The following PXT1 variants were observed in gnomAD, a reference collection of about 807,000 sequenced individuals.
The protein encoded by PXT1 is peroxisomal testis enriched protein 1.
PXT1 carries 11 observed loss-of-function variants against 11.0 expected under a neutral mutation model. The ratio of observed to expected loss-of-function variants is 1.00; its 90% CI spans 0.63 to 1.66. PXT1 has a LOEUF of 1.66. Among genes scored for constraint, PXT1 ranks in the 40% most tolerant of loss-of-function variants. The pLI is 0.00. For missense variants in PXT1, 141 were observed against 155.5 expected, an observed-to-expected ratio of 0.91 and a Z score of 0.49; for synonymous variants, 43 against 51.4, an observed-to-expected ratio of 0.84 and a Z score of 0.70.
chr6:36,392,954 C>T (rs1582242580), intron 4 of PXT1: 2 of 152,148 alleles, frequency 1.3e-5, no homozygotes, highest in East Asian at 1.9e-4. Context: ...AATCTGCCCA[C>T]CACCCACCCT....
intron 3 of PXT1, among the ~76,000 whole-genome samples, chr6:36,423,891 C>G (rs1020126496): frequency 6.6e-6 from 1 of 152,132 alleles, no homozygotes; most frequent in Non-Finnish European, 1.5e-5. Context: ...ATATAACTCG[C>G]GTATGGTAAA....
intron 3 of PXT1, among the ~76,000 whole-genome samples, chr6:36,423,020 C>G (rs1431959192): frequency 6.9e-6 from 1 of 144,082 alleles, no homozygotes; most frequent in Non-Finnish European, 1.5e-5. Flanking sequence ...TCCCACGACC[C>G]TCAACTCTTC....
chr6:36,425,093 C>T (rs1774583800), intron 3 of PXT1, among the ~76,000 whole-genome samples: 1 of 152,134 alleles, frequency 6.6e-6, no homozygotes, highest in African/African-American at 2.4e-5. Flanking sequence ...ATAAATTTAC[C>T]TAACACTGTC....
chr6:36,415,170 C>T (rs563342723), intron 3 of PXT1, among the ~76,000 whole-genome samples: 2 of 152,224 alleles, frequency 1.3e-5, no homozygotes, highest in South Asian at 2.1e-4. Flanking sequence ...CGGCCAGGCG[C>T]GGGGGCTCAT....
Position 36,415,172 on chromosome 6 carries a change from G to A in PXT1, c.169+10742C>T, listed in dbSNP as rs181392481. ...TAAAAAGAATTGCCGGCCAGGCGCG[G>A]GGGCTCATGCTTGTAATCCCAGCAC... On this transcript the variant is annotated intron_variant, in intron 3 of 4. Coordinates refer to ENST00000454782, the MANE Select transcript of PXT1 (RefSeq NM_152990.4). Among the ~76,000 whole-genome samples, 1,045 of 152,260 alleles carry A rather than the reference G, an allele frequency of 6.9e-3. 5 individuals are homozygous for A. Among genetic ancestry groups the A allele is most frequent in the African/African-American group, 0.019 (801 of 41,524 alleles).
intron 3 of PXT1, among the ~76,000 whole-genome samples, chr6:36,419,659 A>C (rs1317068622): frequency 6.6e-6 from 1 of 152,212 alleles, no homozygotes; most frequent in Non-Finnish European, 1.5e-5. Flanking sequence ...GAAGTACTCA[A>C]TAGATATTTG....
At chr6:36,428,741 TA>T (rs1433410951) in intron 2 of PXT1, among the ~76,000 whole-genome samples, 2 of 135,638 alleles carry the variant, frequency 1.5e-5, no homozygotes, top group African/African-American at 6.3e-5. Flanking sequence ...ATTTTTCATC[TA>T]AAACTTTTTT....
chr6:36,420,771 G>A (rs1285207239), intron 3 of PXT1, among the ~76,000 whole-genome samples: 1 of 151,922 alleles, frequency 6.6e-6, no homozygotes, highest in Non-Finnish European at 1.5e-5. Context: ...AGTATCTCAG[G>A]GCCAGGCGTG....
At position 36,402,807 on chromosome 6, in the gene PXT1, G is replaced by A. The variant is rs114699865; in HGVS notation, c.170-2223C>T. 3.6e-3 allele frequency among the ~76,000 whole-genome samples: 542 copies of A among 152,320 alleles called. 1 individual carries two copies. Among genetic ancestry groups the A allele is most frequent in the African/African-American group, 0.012 (508 of 41,576 alleles). The stretch of plus-strand genomic sequence containing the variant: ...CAAGAAGAGGCTTGAACTTTATCCA[G>A]TAGAGATAAAGGAGAGCTCCCGGAG... On this transcript the variant is annotated intron_variant, in intron 3 of 4. Transcript: ENST00000454782.
At chr6:36,428,166 G>T in intron 2 of PXT1, among the ~76,000 whole-genome samples, 1 of 152,160 alleles carries the variant, frequency 6.6e-6, no homozygotes, top group Non-Finnish European at 1.5e-5. Flanking sequence ...AAAATTCCTG[G>T]CCGGGCGCGG....
intron 3 of PXT1, among the ~76,000 whole-genome samples, chr6:36,423,650 C>T (rs1311176213): frequency 3.9e-5 from 6 of 152,174 alleles, no homozygotes; most frequent in Non-Finnish European, 8.8e-5. Context: ...CGTGCCCCCT[C>T]ACACCGCCCC....
At chr6:36,413,797 G>C (rs1281529787) in intron 3 of PXT1, among the ~76,000 whole-genome samples, 2 of 152,168 alleles carry the variant, frequency 1.3e-5, no homozygotes, top group African/African-American at 4.8e-5. Context: ...AGGAGTTTGA[G>C]ACCAGCCTGG....
At chr6:36,399,131 TATTTCATTTC>T (rs66650581) in intron 4 of PXT1, among the ~76,000 whole-genome samples, 42,823 of 150,006 alleles carry the variant, frequency 0.29, 7,520 homozygotes, top group Non-Finnish European at 0.4. Flanking sequence ...TATTTTATTT[TATTTCATTTC>T]ATTTCATTTC....
chr6:36,415,398 C>T (rs753169934), intron 3 of PXT1, among the ~76,000 whole-genome samples: 16 of 152,020 alleles, frequency 1.1e-4, no homozygotes, highest in Admixed American at 2.0e-4. Flanking sequence ...GAGCCGAGAT[C>T]GCACCACTGC....
intron 3 of PXT1, among the ~76,000 whole-genome samples, chr6:36,423,923 A>G (rs1774563768): frequency 6.6e-6 from 1 of 152,210 alleles, no homozygotes; most frequent in Non-Finnish European, 1.5e-5. Context: ...AGGCATGAAA[A>G]CAAGCATGTA....
chr6:36,415,375 C>T (rs768013222), intron 3 of PXT1, among the ~76,000 whole-genome samples: 8 of 151,976 alleles, frequency 5.3e-5, no homozygotes, highest in African/African-American at 9.7e-5. Context: ...ACCTGGGAGG[C>T]GGAGGCTGCA....
intron 2 of PXT1, among the ~76,000 whole-genome samples, chr6:36,429,621 T>C (rs1397915445): frequency 6.7e-6 from 1 of 149,762 alleles, no homozygotes; most frequent in Admixed American, 6.7e-5. Context: ...TTCTTCTGCC[T>C]CAGCCTCCTG....
intron 3 of PXT1, among the ~76,000 whole-genome samples, chr6:36,420,980 G>A (rs933248632): frequency 1.3e-4 from 20 of 151,846 alleles, no homozygotes; most frequent in African/African-American, 1.7e-4. Context: ...GCTTGAACCC[G>A]GGAGGCGGAG....
intron 1 of PXT1, among the ~76,000 whole-genome samples, chr6:36,441,131 A>C (rs1359699884): frequency 6.6e-6 from 1 of 151,990 alleles, no homozygotes; most frequent in Non-Finnish European, 1.5e-5. Context: ...AAAAAAAAGA[A>C]AGACAATATA....
Sources: allele counts gnomAD v4.1 joint callset (sites outside exome capture counted in the v4.1 genomes callset), GRCh38; gene constraint gnomAD v4.1.1; transcripts MANE v1.5; gene names NCBI Gene and HGNC (gene_info 2026-07-23, HGNC 2026-07-21).